TBC1D19: variants seen among roughly 807,000 people sequenced by gnomAD.
The protein encoded by TBC1D19 is TBC1 domain family, member 19.
TBC1D19 carries 60 observed loss-of-function variants against 89.0 expected under a neutral mutation model. The observed-to-expected ratio is 0.67, with a 90% CI of 0.55 to 0.84. The LOEUF is 0.84. Among genes scored for constraint, TBC1D19 ranks in the 40% least tolerant of loss-of-function variants. The pLI is 0.00. For synonymous variants in TBC1D19, 189 were observed against 199.7 expected, an observed-to-expected ratio of 0.95 and a Z score of 0.45; for missense variants, 500 against 610.8, an observed-to-expected ratio of 0.82 and a Z score of 1.91.
chr4:26,776,139 A>T, the TBC1D19 span, among the ~76,000 whole-genome samples: 1 of 152,178 alleles, frequency 6.6e-6, no homozygotes, highest in East Asian at 1.9e-4. Flanking sequence ...TTTAGTAGTA[A>T]ACAATATTTT....
the TBC1D19 span, chr4:26,858,388 G>A: frequency 6.9e-6 from 1 of 145,224 alleles, no homozygotes; most frequent in African/African-American, 2.5e-5. Context: ...GCTTTTGAAT[G>A]GGATTTGGCG....
chr4:26,702,084 C>T (rs1715378478), intron 13 of TBC1D19, among the ~76,000 whole-genome samples: 1 of 152,162 alleles, frequency 6.6e-6, no homozygotes, highest in Non-Finnish European at 1.5e-5. Context: ...ATAAATCTGC[C>T]TCATTTGGTA....
At chr4:26,793,630 G>A in the TBC1D19 span, among the ~76,000 whole-genome samples, 1 of 151,888 alleles carries the variant, frequency 6.6e-6, no homozygotes, top group African/African-American at 2.4e-5. Flanking sequence ...GGCTGAGGTG[G>A]GGGAATCGCT....
the TBC1D19 span, among the ~76,000 whole-genome samples, chr4:26,838,621 A>G: frequency 4.6e-5 from 7 of 152,220 alleles, no homozygotes; most frequent in Non-Finnish European, 8.8e-5. Flanking sequence ...AACACATTCA[A>G]AACAGTTGGT....
At chr4:26,804,911 G>T in the TBC1D19 span, among the ~76,000 whole-genome samples, 1 of 152,170 alleles carries the variant, frequency 6.6e-6, no homozygotes, top group South Asian at 2.1e-4. Flanking sequence ...TATTGGAACC[G>T]AGACTCAGGA....
rs1455335520 is a variant in TBC1D19 at position 26,756,042 on chromosome 4, G to C, written c.*1095G>C. ...ATCACTTCACTAAAACTGTAAATCA[G>C]TAGATTGATACGCTTATTGATTGCC... On this transcript the variant is annotated 3_prime_UTR_variant, in exon 21 of 21. Coordinates refer to ENST00000264866, the MANE Select transcript of TBC1D19 (RefSeq NM_018317.4). Among the ~76,000 whole-genome samples the C allele has an allele frequency of 6.6e-6, 1 of 152,208 alleles. No homozygotes were observed. Among genetic ancestry groups the C allele is most frequent in the Non-Finnish European group, 1.5e-5 (1 of 68,040 alleles).
chr4:26,741,774 TA>T (rs1718391583), intron 17 of TBC1D19, among the ~76,000 whole-genome samples: 1 of 152,178 alleles, frequency 6.6e-6, no homozygotes, highest in Non-Finnish European at 1.5e-5. Flanking sequence ...CTTACAAAGA[TA>T]AACTCTGAGG....
chr4:26,820,339 G>A, the TBC1D19 span, among the ~76,000 whole-genome samples: 1 of 151,988 alleles, frequency 6.6e-6, no homozygotes, highest in Non-Finnish European at 1.5e-5. Flanking sequence ...TTCTCCACCT[G>A]CCCACCCCTA....
At chr4:26,843,698 G>T in the TBC1D19 span, among the ~76,000 whole-genome samples, 1 of 152,102 alleles carries the variant, frequency 6.6e-6, no homozygotes, top group South Asian at 2.1e-4. Flanking sequence ...AGTTATTTGT[G>T]TTGCTATAAA....
chr4:26,761,741 C>G, the TBC1D19 span, among the ~76,000 whole-genome samples: 1 of 152,030 alleles, frequency 6.6e-6, no homozygotes, highest in Non-Finnish European at 1.5e-5. Flanking sequence ...TGCAGCTCAC[C>G]TAATTTTAAA....
At chr4:26,666,535 G>A (rs1711827089) in intron 9 of TBC1D19, 130 bp downstream of exon 9, 10 of 630,854 alleles carry the variant, frequency 1.6e-5, no homozygotes, top group Admixed American at 2.8e-5. Flanking sequence ...CCTCTCCTTG[G>A]TTACTGTTAT....
At chr4:26,709,890 C>T (rs1716026202) in intron 13 of TBC1D19, among the ~76,000 whole-genome samples, 2 of 151,876 alleles carry the variant, frequency 1.3e-5, no homozygotes, top group Non-Finnish European at 2.9e-5. Flanking sequence ...GTTTTATTCG[C>T]CTTTTATAGA....
intron 17 of TBC1D19, chr4:26,740,685 T>C (rs2109314602): frequency 1.0e-6 from 1 of 985,078 alleles, no homozygotes; most frequent in Non-Finnish European, 1.2e-6. Context: ...TCAGTTATGC[T>C]TTTTTTCCCC....
intron 11 of TBC1D19, among the ~76,000 whole-genome samples, chr4:26,675,312 A>G (rs77618711): frequency 0.017 from 2,530 of 152,176 alleles, 70 homozygotes; most frequent in African/African-American, 0.058. Context: ...ACCCCACGTA[A>G]TAATAAAATA....
the TBC1D19 span, among the ~76,000 whole-genome samples, chr4:26,818,179 C>T: frequency 6.6e-6 from 1 of 151,808 alleles, no homozygotes; most frequent in African/African-American, 2.4e-5. Flanking sequence ...TTGGAGAACA[C>T]ATCTTCAAAC....
intron 13 of TBC1D19, among the ~76,000 whole-genome samples, chr4:26,706,395 T>G (rs761831397): frequency 1.3e-5 from 2 of 152,118 alleles, no homozygotes; most frequent in African/African-American, 2.4e-5. Context: ...CATTTCTTAT[T>G]TTAATAATTT....
chr4:26,628,161 T>G (rs1015543329), intron 4 of TBC1D19, among the ~76,000 whole-genome samples: 6 of 152,280 alleles, frequency 3.9e-5, no homozygotes, highest in African/African-American at 9.6e-5. Context: ...CCCCATTGCT[T>G]GTTTTTCTCA....
chr4:26,616,622 T>C (rs916758975), intron 3 of TBC1D19, among the ~76,000 whole-genome samples: 1 of 152,184 alleles, frequency 6.6e-6, no homozygotes, highest in Admixed American at 6.5e-5. Context: ...AATAGAGGTA[T>C]AGAACACATG....
At chr4:26,765,952 C>A in the TBC1D19 span, among the ~76,000 whole-genome samples, 3 of 152,080 alleles carry the variant, frequency 2.0e-5, no homozygotes, top group Admixed American at 1.3e-4. Context: ...GCAACAAATT[C>A]TTTTCGATAC....
Sources: allele counts gnomAD v4.1 joint callset (sites outside exome capture counted in the v4.1 genomes callset), GRCh38; gene constraint gnomAD v4.1.1; transcripts MANE v1.5; gene names NCBI Gene and HGNC (gene_info 2026-07-23, HGNC 2026-07-21).